Variants in VPS41 observed in about 807,000 individuals in gnomAD.
VPS41 encodes the protein VPS41 subunit of HOPS complex.
VPS41 carries 85 observed loss-of-function variants against 130.9 expected under a neutral mutation model. That is an observed-to-expected ratio of 0.65 (90% CI 0.55 to 0.78). The LOEUF (loss-of-function observed/expected upper bound fraction) is 0.78, where lower values mean the gene tolerates loss of function less well. Ranked by LOEUF, VPS41 falls within the 30% of genes least tolerant of loss-of-function variation. VPS41 has a pLI of 0.00. For missense variants in VPS41, 874 were observed against 1,018.7 expected, an observed-to-expected ratio of 0.86 and a Z score of 1.93; for synonymous variants, 335 against 332.9, an observed-to-expected ratio of 1.01 and a Z score of -0.07.
rs541183139 is a variant in VPS41 at position 38,753,648 on chromosome 7, G to A, written c.1788+1054C>T. ...TCACCATTGCACTGATTACATTGTC[G>A]CACAGAGAGCTACTGCCCATAATCC... On this transcript the variant is annotated intron_variant, in intron 21 of 28. Coordinates refer to ENST00000310301, the MANE Select transcript of VPS41 (RefSeq NM_014396.4). Among the ~76,000 whole-genome samples the A allele has an allele frequency of 1.4e-3, 220 of 152,188 alleles. 1 individual carries two copies. Among genetic ancestry groups the A allele is most frequent in the African/African-American group, 5.2e-3 (214 of 41,530 alleles).
intron 7 of VPS41, among the ~76,000 whole-genome samples, chr7:38,799,528 A>C (rs529280401): frequency 6.6e-6 from 1 of 152,304 alleles, no homozygotes; most frequent in East Asian, 1.9e-4. Flanking sequence ...CAACAAAACA[A>C]AAACATTTCA....
At chr7:38,883,080 T>C (rs1015298859) in intron 2 of VPS41, among the ~76,000 whole-genome samples, 2 of 152,004 alleles carry the variant, frequency 1.3e-5, no homozygotes, top group Non-Finnish European at 2.9e-5. Flanking sequence ...CCATCTCTAC[T>C]AAAAATACAA....
chr7:38,865,214 T>G (rs1786202462), intron 3 of VPS41, among the ~76,000 whole-genome samples: 1 of 152,178 alleles, frequency 6.6e-6, no homozygotes, highest in African/African-American at 2.4e-5. Context: ...AGGATCAGAA[T>G]TAAAAGCTAA....
intron 10 of VPS41, among the ~76,000 whole-genome samples, chr7:38,783,725 C>T (rs1784392425): frequency 6.6e-6 from 1 of 151,978 alleles, no homozygotes; most frequent in African/African-American, 2.4e-5. Context: ...GAGAAAACAA[C>T]CTCTTCGTTT....
At chr7:38,762,862 T>C (rs1459374716) in intron 17 of VPS41, among the ~76,000 whole-genome samples, 1 of 152,178 alleles carries the variant, frequency 6.6e-6, no homozygotes, top group African/African-American at 2.4e-5. Context: ...CTACAATCTC[T>C]AAGGTTAAGT....
At chr7:38,837,507 T>G (rs1161350649) in intron 4 of VPS41, among the ~76,000 whole-genome samples, 1 of 152,226 alleles carries the variant, frequency 6.6e-6, no homozygotes, top group African/African-American at 2.4e-5. Context: ...TGTTCTCTCT[T>G]CCTTTGGCTG....
At chr7:38,809,932 A>T (rs1296795243) in intron 7 of VPS41, among the ~76,000 whole-genome samples, 2 of 151,994 alleles carry the variant, frequency 1.3e-5, no homozygotes, top group African/African-American at 4.8e-5. Context: ...AAAAAAAAAA[A>T]TCCAGACAAC....
rs574797229 is a variant in VPS41 at position 38,886,824 on chromosome 7, G to A, written c.60+11267C>T. On this transcript the variant is annotated intron_variant, in intron 2 of 28. Transcript: ENST00000310301. ...CCCCTCTGGGACGAAGCTTCCAGAG[G>A]AAGGATCAGGCAGCAATATTTGCTG... is the stretch of plus-strand genomic sequence containing the variant. Among the ~76,000 whole-genome samples the A allele has an allele frequency of 2.6e-5, 4 of 152,288 alleles. No homozygotes were observed. The South Asian group carries it at 8.3e-4, about 32-fold the overall frequency.
chr7:38,799,552 A>C (rs1784685617), intron 7 of VPS41, among the ~76,000 whole-genome samples: 1 of 152,204 alleles, frequency 6.6e-6, no homozygotes. Context: ...AGGGATACGA[A>C]AGGAGAACTC....
intron 4 of VPS41, among the ~76,000 whole-genome samples, chr7:38,854,174 C>T (rs968099875): frequency 1.1e-4 from 17 of 152,178 alleles, no homozygotes; most frequent in African/African-American, 4.1e-4. Context: ...TTTAAACACA[C>T]AAGAATCTGA....
chr7:38,813,378 G>T lies in VPS41; in HGVS notation c.450+4439C>A, dbSNP rs565544776. Among the ~76,000 whole-genome samples the T allele has an allele frequency of 2.0e-5, 3 of 152,220 alleles. No homozygotes were observed. The South Asian group carries it at 6.2e-4, about 32-fold the overall frequency. ...ATGAGAGGAGGGGAGGAAGGAAGAT[G>T]GGGAGTGACTGCTAATAGGTGCAAG... is the stretch of plus-strand genomic sequence containing the variant. On this transcript the variant is annotated intron_variant, in intron 7 of 28. Transcript: ENST00000310301.
chr7:38,776,814 G>A, intron 10 of VPS41, 38 bp from the exon 11 acceptor site: 2 of 1,186,162 alleles, frequency 1.7e-6, no homozygotes, highest in Non-Finnish European at 2.5e-6. Context: ...TCATCAACAG[G>A]GGCAAACAGC....
intron 2 of VPS41, among the ~76,000 whole-genome samples, chr7:38,880,226 C>T (rs879843548): frequency 1.3e-5 from 2 of 152,108 alleles, no homozygotes; most frequent in Non-Finnish European, 2.9e-5. Flanking sequence ...GAACTCATGG[C>T]CTCCCTTCTA....
chr7:38,825,339 T>TA (rs1785250573), intron 5 of VPS41, among the ~76,000 whole-genome samples: 1 of 152,236 alleles, frequency 6.6e-6, no homozygotes, highest in South Asian at 2.1e-4. Context: ...GGGTGATTTG[T>TA]AAAATCTTCA....
intron 21 of VPS41, among the ~76,000 whole-genome samples, chr7:38,754,047 T>C (rs1026525230): frequency 1.3e-5 from 2 of 152,210 alleles, no homozygotes; most frequent in African/African-American, 4.8e-5. Flanking sequence ...AAAACAACTA[T>C]TCCTGCTTTA....
At chr7:38,832,765 A>T (rs1436721725) in intron 4 of VPS41, among the ~76,000 whole-genome samples, 1 of 152,092 alleles carries the variant, frequency 6.6e-6, no homozygotes, top group Admixed American at 6.6e-5. Context: ...CCTGACTTCC[A>T]TATCTCATGG....
intron 25 of VPS41, among the ~76,000 whole-genome samples, chr7:38,741,647 C>G (rs1023858469): frequency 6.6e-6 from 1 of 152,194 alleles, no homozygotes; most frequent in Non-Finnish European, 1.5e-5. Flanking sequence ...GTGGCCCGAT[C>G]TAATGGCCAC....
Position 38,763,556 on chromosome 7 carries a change from G to T in VPS41, c.1330-9C>A. On this transcript the variant is annotated splice_polypyrimidine_tract_variant and intron_variant, in intron 16 of 28. Coordinates refer to ENST00000310301, the MANE Select transcript of VPS41 (RefSeq NM_014396.4). ...AAATAAGGACTAATAGCCTAGGTAA[G>T]GAAAAGGGAAAAAAAAGTCCATTAA... The T allele has an allele frequency of 6.4e-7, 1 of 1,551,040 alleles. No individual in the cohort carries two copies. Among genetic ancestry groups the T allele is most frequent in the Non-Finnish European group, 8.7e-7 (1 of 1,147,856 alleles).
chr7:38,825,594 C>T (rs2215032), intron 5 of VPS41, among the ~76,000 whole-genome samples: 141,353 of 152,120 alleles, frequency 0.93, 65,839 homozygotes, highest in East Asian at 0.99. Context: ...CTTTTGAAAA[C>T]GGTATCTCCT....
Sources: gnomAD v4.1 joint callset for allele counts (sites outside exome capture counted in the v4.1 genomes callset) on GRCh38, gnomAD v4.1.1 for gene constraint, MANE v1.5 for transcripts, NCBI Gene and HGNC (gene_info 2026-07-23, HGNC 2026-07-21) for gene names.